NAPSA: variants seen among roughly 807,000 people sequenced by gnomAD.
NAPSA encodes napsin A aspartic peptidase.
Under a neutral mutation model 36.7 loss-of-function variants are expected in NAPSA, and 37 were observed. That is an observed-to-expected ratio of 1.01 (90% CI 0.78 to 1.33). NAPSA has a LOEUF of 1.33. Ranked by LOEUF, NAPSA falls within the 40% of genes most tolerant of loss-of-function variation. NAPSA has a pLI of 0.00. For synonymous variants in NAPSA, 222 were observed against 234.5 expected (o/e 0.95, Z 0.49); for missense variants, 532 against 543.8 (o/e 0.98, Z 0.21).
chr19:50,360,758 G>T (rs2037460582), intron 5 of NAPSA, among the ~76,000 whole-genome samples, 183 bp downstream of exon 5: 1 of 152,058 alleles, frequency 6.6e-6, no homozygotes, highest in South Asian at 2.1e-4. Flanking sequence ...TTCTTTATAG[G>T]GCAGGTGACT....
chr19:50,366,189 G>T (rs553490303), upstream of NAPSA, among the ~76,000 whole-genome samples: 441 of 143,150 alleles, frequency 3.1e-3, 5 homozygotes, highest in Middle Eastern at 0.044. Flanking sequence ...TTGTTTTTTG[G>T]TTTTTTTTTT....
intron 7 of NAPSA, 145 bp downstream of exon 7, chr19:50,359,358 C>G: frequency 8.9e-7 from 1 of 1,126,788 alleles, no homozygotes; most frequent in African/African-American, 1.5e-5. Flanking sequence ...CCTCCACCAC[C>G]CTCCAGACTA....
In NAPSA at chr19:50,359,629, C is replaced by A. The variant is rs200678825; in HGVS notation, c.810G>T (p.Gly270=). Residue 270 remains glycine, a synonymous_variant, in exon 7 of 9, where the codon GGG becomes GGT. Transcript: ENST00000253719. ...IHMERVKVGP[G]LTLCAKGCAA... ...CACAGCCCTTGGCACAGAGAGTCAG[C>A]CCTGGGCCCACCTTCACACTGAGGG... 2 of 1,614,208 alleles carry A rather than the reference C, an allele frequency of 1.2e-6. No individual in the cohort carries two copies. The highest frequency in any genetic ancestry group is 1.7e-6 in the Non-Finnish European group (2 of 1,180,030).
rs200678825 is a variant in NAPSA at position 50,359,629 on chromosome 19, C to G, written c.810G>C (p.Gly270=). The G allele has an allele frequency of 6.2e-7, 1 of 1,614,208 alleles. No homozygotes were observed. The highest frequency in any genetic ancestry group is 2.2e-5 in the East Asian group (1 of 44,888). ...IHMERVKVGP[G]LTLCAKGCAA... The stretch of plus-strand genomic sequence containing the variant: ...CACAGCCCTTGGCACAGAGAGTCAG[C>G]CCTGGGCCCACCTTCACACTGAGGG... The change falls in exon 7 of 9, where the codon GGG becomes GGC. Residue 270 remains glycine, a synonymous_variant. Transcript: ENST00000253719.
Position 50,361,045 on chromosome 19 carries a change from G to C in NAPSA, c.564C>G (p.Gly188=). The stretch of plus-strand genomic sequence containing the variant: ...CCACAGACAGAATGGGAAAACCGAG[G>C]CCCAATATCCCATCAAAATGGGCAA... The part of the protein sequence containing the change: ...FAFAHFDGIL[G]LGFPILSVEG... Residue 188 remains glycine, a synonymous_variant, in exon 5 of 9, where the codon GGC becomes GGG. Transcript: ENST00000253719. 1 of 1,614,146 alleles carries C rather than the reference G, an allele frequency of 6.2e-7. No homozygotes were observed.
Position 50,358,606 on chromosome 19 carries a change from G to T in NAPSA, c.1210C>A (p.Arg404Ser). 6.2e-7 allele frequency: 1 copy of T among 1,612,032 alleles called. No individual in the cohort carries two copies. The highest frequency in any genetic ancestry group is 1.1e-5 in the South Asian group (1 of 90,952). The change falls in exon 9 of 9, where the codon CGC (arginine) becomes AGC (serine). Residue 404 changes from arginine to serine, a missense_variant. Transcript: ENST00000253719. Reference protein sequence around the residue: ...ARVGLARARTRGADLGWGETA... With the variant: ...ARVGLARARTSGADLGWGETA... ...TCTCCCCATCCGAGGTCCGCTCCGCGAGTGCGAGCGCGCGCCAGGCCCACC... is the reference window on the plus strand; with the variant it reads ...TCTCCCCATCCGAGGTCCGCTCCGCTAGTGCGAGCGCGCGCCAGGCCCACC...
At chr19:50,361,849 T>G (rs1253208108) in intron 3 of NAPSA, 68 bp from the exon 4 acceptor site, 1 of 1,604,924 alleles carries the variant, frequency 6.2e-7, no homozygotes. Context: ...CCCTTTGACT[T>G]TCTGACCTGT....
Position 50,360,933 on chromosome 19 carries a change from C to G in NAPSA, c.668+8G>C. ...AGGACTCATAGATAGGTGCACACTT[C>G]CCAGTACCTGTTGAGGTAAAAGGAG... On this transcript the variant is annotated splice_region_variant and intron_variant, in intron 5 of 8. Transcript: ENST00000253719. 4 of 1,613,168 alleles carry G rather than the reference C, an allele frequency of 2.5e-6. No homozygotes were observed. The highest frequency in any genetic ancestry group is 3.4e-6 in the Non-Finnish European group (4 of 1,179,586).
At chr19:50,361,316 C>G (rs1417163381) in intron 4 of NAPSA, 176 bp from the exon 5 acceptor site, 1 of 615,184 alleles carries the variant, frequency 1.6e-6, no homozygotes, top group Non-Finnish European at 2.8e-6. Flanking sequence ...GAACCCCTTT[C>G]TTCTCCTTGA....
upstream of NAPSA, among the ~76,000 whole-genome samples, chr19:50,366,209 G>A (rs958567684): frequency 1.3e-5 from 2 of 149,440 alleles, no homozygotes; most frequent in Admixed American, 6.7e-5. Flanking sequence ...TTTTGAGACC[G>A]AGTTTCACTC....
chr19:50,361,113 T>C lies in NAPSA; in HGVS notation c.496A>G (p.Ile166Val), dbSNP rs751772577. The stretch of plus-strand genomic sequence containing the variant: ...GGCTCCCAGAGAGCCTCCCCGAAAA[T>C]CACTGATGCACCCTTGATTCCACCA... ...TIGGIKGASV[I>V]FGEALWEPSL... Residue 166 changes from isoleucine to valine, a missense_variant, in exon 5 of 9, where the codon ATT (isoleucine) becomes GTT (valine). Coordinates refer to ENST00000253719, the MANE Select transcript of NAPSA (RefSeq NM_004851.3). 6.2e-7 allele frequency: 1 copy of C among 1,613,788 alleles called. No homozygotes were observed. Among genetic ancestry groups the C allele is most frequent in the South Asian group, 1.1e-5 (1 of 91,068 alleles).
chr19:50,364,720 C>T (rs1029724428), intron 1 of NAPSA, among the ~76,000 whole-genome samples: 2 of 150,418 alleles, frequency 1.3e-5, no homozygotes, highest in Non-Finnish European at 2.9e-5. Context: ...GGACCGGACG[C>T]GGGGGCTCAC....
At chr19:50,363,570 A>T (rs1375172784) in intron 1 of NAPSA, among the ~76,000 whole-genome samples, 1 of 151,226 alleles carries the variant, frequency 6.6e-6, no homozygotes. Flanking sequence ...TTTATTTATT[A>T]ATTTTTTTTT....
intron 1 of NAPSA, among the ~76,000 whole-genome samples, chr19:50,363,819 A>G (rs1209973436): frequency 6.6e-6 from 1 of 152,054 alleles, no homozygotes; most frequent in East Asian, 1.9e-4. Flanking sequence ...CCCACCTTGG[A>G]CTTCCAAAGT....
At chr19:50,360,883 G>A in intron 5 of NAPSA, 58 bp downstream of exon 5, 1 of 1,521,160 alleles carries the variant, frequency 6.6e-7, no homozygotes, top group Non-Finnish European at 9.0e-7. Flanking sequence ...CTTCCTGAAG[G>A]AAGACTCTCT....
At chr19:50,358,803 C>G in intron 8 of NAPSA, 23 bp from the exon 9 acceptor site, 1 of 1,581,904 alleles carries the variant, frequency 6.3e-7, no homozygotes, top group Non-Finnish European at 8.6e-7. Context: ...AAGACGACAA[C>G]TGGGTGTCGC....
intron 1 of NAPSA, among the ~76,000 whole-genome samples, chr19:50,364,361 A>G (rs1346522665): frequency 6.7e-6 from 1 of 149,052 alleles, no homozygotes; most frequent in Non-Finnish European, 1.5e-5. Context: ...TACGCCTGTA[A>G]TCCCAGCACT....
Position 50,365,596 on chromosome 19 carries a change from G to A in NAPSA, c.26C>T (p.Pro9Leu), listed in dbSNP as rs764685588. 5.6e-6 allele frequency: 9 copies of A among 1,612,938 alleles called. No homozygotes were observed. Among genetic ancestry groups the A allele is most frequent in the Non-Finnish European group, 7.6e-6 (9 of 1,179,650 alleles). The change falls in exon 1 of 9, where the codon CCC (proline) becomes CTC (leucine). Residue 9 changes from proline (P) to leucine (L), a missense_variant. By Grantham distance (98) the Pro-to-Leu change is moderately conservative. This residue lies in a region of NAPSA where 102 missense variants were observed against 93.6 expected (regional missense o/e 1.09). Coordinates refer to ENST00000253719, the MANE Select transcript of NAPSA (RefSeq NM_004851.3). The part of the protein sequence containing the change: MSPPPLLQ[P>L]LLLLLPLLNV... The stretch of plus-strand genomic sequence containing the variant: ...CAGCAGAGGCAGCAGCAGCAGCAGG[G>A]GTTGCAGCAGCGGTGGTGGAGACAT...
chr19:50,366,408 A>G (rs2037550147), upstream of NAPSA, among the ~76,000 whole-genome samples: 2 of 151,436 alleles, frequency 1.3e-5, no homozygotes, highest in Admixed American at 6.6e-5. Flanking sequence ...CTGATTCTCA[A>G]TTATTTCAAT....
Sources: gnomAD v4.1 joint callset for allele counts (sites outside exome capture counted in the v4.1 genomes callset) on GRCh38, gnomAD v4.1.1 for gene constraint, gnomAD v4.1.1 regional missense constraint, MANE v1.5 for transcripts, NCBI Gene and HGNC (gene_info 2026-07-23, HGNC 2026-07-21) for gene names.